The following GPRC6A variants were observed in gnomAD, a reference collection of about 807,000 sequenced individuals.
The protein encoded by GPRC6A is G protein-coupled receptor class C group 6 member A, also known as G protein-coupled receptor family C group 6 member A.
In GPRC6A, 54 loss-of-function variants were observed where a neutral mutation model predicts 47.0. The ratio of observed to expected loss-of-function variants is 1.15; its 90% CI spans 0.92 to 1.44. The LOEUF (loss-of-function observed/expected upper bound fraction) is 1.44, where lower values mean the gene tolerates loss of function less well. Among genes scored for constraint, GPRC6A ranks in the 40% most tolerant of loss-of-function variants. The pLI is 0.00. For missense variants in GPRC6A, 1,112 were observed against 1,105.5 expected (o/e 1.01, Z -0.08); for synonymous variants, 347 against 377.1 (o/e 0.92, Z 0.93).
intron 1 of GPRC6A, among the ~76,000 whole-genome samples, chr6:116,823,196 A>T (rs759188846): frequency 1.3e-5 from 2 of 152,074 alleles, no homozygotes; most frequent in Non-Finnish European, 2.9e-5. Context: ...TTCCAGTTTT[A>T]CATCATTTCC....
intron 3 of GPRC6A, among the ~76,000 whole-genome samples, chr6:116,801,142 G>T (rs1772662737): frequency 1.3e-5 from 2 of 152,116 alleles, no homozygotes; most frequent in Admixed American, 1.3e-4. Flanking sequence ...TCTCATCAAT[G>T]CAAGTACAAT....
intron 3 of GPRC6A, among the ~76,000 whole-genome samples, chr6:116,803,521 A>G (rs954445519): frequency 3.5e-4 from 53 of 152,246 alleles, no homozygotes; most frequent in African/African-American, 1.2e-3. Context: ...TTTCAATCCC[A>G]CTGTGGAACC....
chr6:116,792,293 T>C lies in GPRC6A; in HGVS notation c.2630A>G (p.Asn877Ser), dbSNP rs146523916. ...AGAGCTGGGATTGGTCATTGTGACATTGCCGCTCATGGAGTCCAGTGAAGC... is the reference window on the plus strand; with the variant it reads ...AGAGCTGGGATTGGTCATTGTGACACTGCCGCTCATGGAGTCCAGTGAAGC... ...SPASLDSMSG[N>S]VTMTNPSSSG... Residue 877 changes from asparagine (N) to serine (S), a missense_variant, in exon 6 of 6, where the codon AAT (asparagine) becomes AGT (serine). By Grantham distance (46) the Asn-to-Ser change is conservative. Coordinates refer to ENST00000310357, the MANE Select transcript of GPRC6A (RefSeq NM_148963.4). 8.5e-5 allele frequency: 137 copies of C among 1,614,044 alleles called. No individual in the cohort carries two copies. The African/African-American group carries it at 1.7e-3, about 20-fold the overall frequency.
At chr6:116,811,544 A>G (rs1414109520) in intron 1 of GPRC6A, among the ~76,000 whole-genome samples, 1 of 152,134 alleles carries the variant, frequency 6.6e-6, no homozygotes, top group Admixed American at 6.5e-5. Flanking sequence ...CCAGAAAAAG[A>G]ATCCAAATTA....
chr6:116,829,142 C>T, upstream of GPRC6A: 1 of 1,038,398 alleles, frequency 9.6e-7, no homozygotes, highest in South Asian at 3.3e-5. Context: ...GCCAGAAACA[C>T]TCAGTATTCA....
At chr6:116,829,153 G>T, upstream of GPRC6A, 2 of 827,956 alleles carry the variant, frequency 2.4e-6, no homozygotes, top group Non-Finnish European at 1.7e-6. Flanking sequence ...TCAGTATTCA[G>T]ATACTTGATG....
chr6:116,792,477 T>A lies in GPRC6A; in HGVS notation c.2446A>T (p.Ile816Phe). 1 of 1,613,754 alleles carries A rather than the reference T, an allele frequency of 6.2e-7. No homozygotes were observed. The highest frequency in any genetic ancestry group is 8.5e-7 in the Non-Finnish European group (1 of 1,179,704). The stretch of plus-strand genomic sequence containing the variant: ...CCATAGTTAGATATTAATATGACAA[T>A]AATCTCCACAGCTGGTACATATTTG... ...FGKYVPAVEI[I>F]VILISNYGIL... Residue 816 changes from isoleucine (I) to phenylalanine (F), a missense_variant, in exon 6 of 6, where the codon ATT (isoleucine) becomes TTT (phenylalanine). Coordinates refer to ENST00000310357, the MANE Select transcript of GPRC6A (RefSeq NM_148963.4).
rs746438567 is a variant in GPRC6A at position 116,792,761 on chromosome 6, A to G, written c.2162T>C (p.Leu721Pro). The change falls in exon 6 of 6, where the codon CTC (leucine) becomes CCC (proline). Residue 721 changes from leucine to proline, a missense_variant. Coordinates refer to ENST00000310357, the MANE Select transcript of GPRC6A (RefSeq NM_148963.4). The stretch of plus-strand genomic sequence containing the variant: ...AGTAGGTGCTGCAAAGATTAGCCAG[A>G]GTGTGCAAATGACAACCTGGATGCC... ...CTGIQVVICT[L>P]WLIFAAPTVE... The G allele has an allele frequency of 2.5e-6, 4 of 1,614,002 alleles. No individual in the cohort carries two copies. The East Asian group carries it at 8.9e-5, about 36-fold the overall frequency.
At chr6:116,821,162 G>T (rs961608676) in intron 1 of GPRC6A, among the ~76,000 whole-genome samples, 28 of 151,754 alleles carry the variant, frequency 1.8e-4, no homozygotes, top group Non-Finnish European at 3.2e-4. Flanking sequence ...GGGATGTGAA[G>T]GACCTCTTCA....
At chr6:116,797,365 C>A (rs2114581068) in intron 4 of GPRC6A, among the ~76,000 whole-genome samples, 1 of 152,184 alleles carries the variant, frequency 6.6e-6, no homozygotes, top group South Asian at 2.1e-4. Flanking sequence ...AGTCTAAAAT[C>A]TTGTACTAAT....
intron 3 of GPRC6A, among the ~76,000 whole-genome samples, chr6:116,801,968 C>T (rs1772689852): frequency 6.6e-6 from 1 of 152,166 alleles, no homozygotes; most frequent in Admixed American, 6.6e-5. Flanking sequence ...TCACTTCTAT[C>T]TGTTGACTGG....
chr6:116,825,101 C>T (rs1391959622), intron 1 of GPRC6A, among the ~76,000 whole-genome samples: 1 of 151,892 alleles, frequency 6.6e-6, no homozygotes, highest in Non-Finnish European at 1.5e-5. Flanking sequence ...TTAATAAAGG[C>T]CATATATGAC....
chr6:116,817,373 A>G (rs1185519511), intron 1 of GPRC6A, among the ~76,000 whole-genome samples: 1 of 151,354 alleles, frequency 6.6e-6, no homozygotes, highest in Non-Finnish European at 1.5e-5. Flanking sequence ...CATCCACACC[A>G]AAAACCCATC....
intron 2 of GPRC6A, among the ~76,000 whole-genome samples, chr6:116,808,044 A>G (rs1772910777): frequency 6.6e-6 from 1 of 151,768 alleles, no homozygotes; most frequent in African/African-American, 2.4e-5. Context: ...TGTGATGGAA[A>G]GACAATAGGC....
rs1554263527 is a variant in GPRC6A, at chr6:116,818,532, T to TCAAAAAAAAAA, written c.195-8916_195-8915insTTTTTTTTTTG. Among the ~76,000 whole-genome samples the TCAAAAAAAAAA allele has an allele frequency of 1.1e-3, 17 of 15,508 alleles. 6 individuals carry two copies. Among genetic ancestry groups the TCAAAAAAAAAA allele is most frequent in the Non-Finnish European group, 1.9e-3 (11 of 5,892 alleles). The allele number at this position is 15,508 out of a possible 152,430, so 10.2% of individuals were successfully genotyped here. On this transcript the variant is annotated intron_variant, in intron 1 of 5. Coordinates refer to ENST00000310357, the MANE Select transcript of GPRC6A (RefSeq NM_148963.4). ...CTGGGCGACAGAGCGAGACTCCGTC[T>TCAAAAAAAAAA]AAAAAAAAAAAAAAAAAAAAAAAAA...
rs1330140819 is a variant in GPRC6A, at chr6:116,809,582, A to G, written c.230T>C (p.Met77Thr). 4 of 1,610,338 alleles carry G rather than the reference A, an allele frequency of 2.5e-6. No homozygotes were observed. The South Asian group carries it at 4.4e-5, about 18-fold the overall frequency. The change falls in exon 2 of 6, where the codon ATG (methionine) becomes ACG (threonine). Residue 77 changes from methionine (M) to threonine (T), a missense_variant. Physicochemically the swap from Met to Thr is moderately conservative, Grantham distance 81. Transcript: ENST00000310357. ...GTTGATCATCTCAATGCTGTGTATC[A>G]TGGCAAGAGTTTGAAGAAAAACTGA... ...EISVFLQTLA[M>T]IHSIEMINNS...
intron 1 of GPRC6A, among the ~76,000 whole-genome samples, chr6:116,809,853 A>G (rs1772970344): frequency 6.6e-6 from 1 of 152,130 alleles, no homozygotes; most frequent in Non-Finnish European, 1.5e-5. Context: ...TTTCTTGGTG[A>G]ATTTTTTGAT....
chr6:116,820,374 C>T (rs1773421061), intron 1 of GPRC6A, among the ~76,000 whole-genome samples: 1 of 152,030 alleles, frequency 6.6e-6, no homozygotes, highest in Non-Finnish European at 1.5e-5. Flanking sequence ...CAGCATCATT[C>T]TGATACCAAA....
chr6:116,817,754 T>A (rs924812650), intron 1 of GPRC6A, among the ~76,000 whole-genome samples: 3 of 152,120 alleles, frequency 2.0e-5, no homozygotes, highest in African/African-American at 7.2e-5. Context: ...CAGGAGCCGA[T>A]GCGATCAACT....
Sources: allele counts gnomAD v4.1 joint callset (sites outside exome capture counted in the v4.1 genomes callset), GRCh38; gene constraint gnomAD v4.1.1; transcripts MANE v1.5; gene names NCBI Gene and HGNC (gene_info 2026-07-23, HGNC 2026-07-21).